Variants in SWT1 observed in about 807,000 individuals in gnomAD.
SWT1 encodes SWT1 RNA endoribonuclease homolog.
A neutral mutation model predicts 107.3 loss-of-function variants in SWT1; 33 were observed. The observed-to-expected ratio is 0.31, with a 90% CI of 0.23 to 0.41. The LOEUF is 0.41. Among genes scored for constraint, SWT1 ranks in the 10% least tolerant of loss-of-function variants. SWT1 has a pLI of 1.00. For synonymous variants in SWT1, 345 were observed against 348.3 expected (o/e 0.99, Z 0.11); for missense variants, 898 against 1,028.9 (o/e 0.87, Z 1.74).
At chr1:185,277,875 T>C (rs1339696032) in intron 18 of SWT1, among the ~76,000 whole-genome samples, 1 of 152,222 alleles carries the variant, frequency 6.6e-6, no homozygotes, top group Non-Finnish European at 1.5e-5. Flanking sequence ...TTTTGCTGAT[T>C]TTTGAACTTA....
intron 16 of SWT1, chr1:185,263,515 A>G (rs1318676843): frequency 6.8e-6 from 1 of 147,940 alleles, no homozygotes; most frequent in African/African-American, 2.5e-5. Flanking sequence ...GCTTGAAAAC[A>G]CCTTATCTAC....
At chr1:185,237,035 G>T (rs754119575) in intron 16 of SWT1, among the ~76,000 whole-genome samples, 1 of 152,128 alleles carries the variant, frequency 6.6e-6, no homozygotes, top group Non-Finnish European at 1.5e-5. Context: ...TTAGAATGGC[G>T]ATCATAAAAA....
intron 5 of SWT1, among the ~76,000 whole-genome samples, chr1:185,177,797 C>T (rs950134931): frequency 6.6e-6 from 1 of 152,110 alleles, no homozygotes; most frequent in African/African-American, 2.4e-5. Context: ...TTGCAAACCT[C>T]CCCCTCATTG....
chr1:185,187,679 T>C (rs1403790872), intron 9 of SWT1, among the ~76,000 whole-genome samples: 1 of 152,076 alleles, frequency 6.6e-6, no homozygotes, highest in African/African-American at 2.4e-5. Flanking sequence ...GCTGAATCTT[T>C]TTAAATTTTT....
chr1:185,167,858 T>A (rs1654715572), intron 3 of SWT1, among the ~76,000 whole-genome samples: 1 of 152,178 alleles, frequency 6.6e-6, no homozygotes, highest in South Asian at 2.1e-4. Flanking sequence ...CTTTTCCTCT[T>A]TAGGTGGTTG....
chr1:185,240,693 A>C (rs1212464239), intron 16 of SWT1, among the ~76,000 whole-genome samples: 1 of 152,058 alleles, frequency 6.6e-6, no homozygotes, highest in Non-Finnish European at 1.5e-5. Context: ...TGAGTTGTTT[A>C]ATCTTCTAAG....
chr1:185,210,781 GA>G (rs1571513293), intron 13 of SWT1, among the ~76,000 whole-genome samples: 1 of 152,160 alleles, frequency 6.6e-6, no homozygotes, highest in East Asian at 1.9e-4. Context: ...TGACGTGATC[GA>G]TATTTGGAAA....
At chr1:185,223,371 C>T (rs969801206) in intron 15 of SWT1, among the ~76,000 whole-genome samples, 2 of 152,036 alleles carry the variant, frequency 1.3e-5, no homozygotes, top group Non-Finnish European at 2.9e-5. Flanking sequence ...GAGATGATAT[C>T]TCACTATGTT....
chr1:185,203,029 GT>G (rs1397486751), intron 11 of SWT1, among the ~76,000 whole-genome samples: 5 of 152,178 alleles, frequency 3.3e-5, no homozygotes, highest in African/African-American at 1.2e-4. Flanking sequence ...TTAATTTGAT[GT>G]TTTTGTCTGC....
intron 16 of SWT1, among the ~76,000 whole-genome samples, chr1:185,259,590 G>A (rs1054129578): frequency 6.6e-6 from 1 of 151,930 alleles, no homozygotes; most frequent in Non-Finnish European, 1.5e-5. Context: ...TTTATAAATT[G>A]AGTGACTCCT....
rs547183216 is a variant in SWT1, at chr1:185,207,470, A to C, written c.1972+707A>C. On this transcript the variant is annotated intron_variant, in intron 13 of 18. Coordinates refer to ENST00000367500, the MANE Select transcript of SWT1 (RefSeq NM_017673.7). ...GGAGATTCTATATAGGACTTGGAAAAAAGTTTATCTGCTGTGAGGAAAAAA... is the reference window on the plus strand; with the variant it reads ...GGAGATTCTATATAGGACTTGGAAACAAGTTTATCTGCTGTGAGGAAAAAA... Among the ~76,000 whole-genome samples, 384 of 152,340 alleles carry C rather than the reference A, an allele frequency of 2.5e-3. 4 individuals carry two copies. The highest frequency in any genetic ancestry group is 8.8e-3 in the African/African-American group (367 of 41,568).
At chr1:185,173,499 C>T (rs1301618507) in intron 4 of SWT1, among the ~76,000 whole-genome samples, 1 of 145,346 alleles carries the variant, frequency 6.9e-6, no homozygotes, top group Non-Finnish European at 1.5e-5. Context: ...GTTCGACCAG[C>T]CTGGGCAACA....
intron 4 of SWT1, among the ~76,000 whole-genome samples, chr1:185,170,071 A>T (rs938280485): frequency 2.0e-5 from 3 of 152,202 alleles, no homozygotes; most frequent in African/African-American, 7.2e-5. Context: ...AGCATGTTCA[A>T]CTCAATCCAC....
At chr1:185,173,006 T>C (rs999292776) in intron 4 of SWT1, among the ~76,000 whole-genome samples, 5 of 135,112 alleles carry the variant, frequency 3.7e-5, no homozygotes, top group African/African-American at 1.4e-4. Context: ...ATTGCACCAC[T>C]GCAGTCCAGC....
Position 185,184,867 on chromosome 1 carries a change from C to T in SWT1, c.1365C>T (p.Asp455=), listed in dbSNP as rs1178377165. ...KAIPAVHFIN[D]SLKNQDRKLW... is the part of the protein sequence containing the mutation. ...TACCTGCAGTTCATTTCATCAACGA[C>T]AGTCTCAAAAATCAAGATAGAAAGC... Residue 455 remains aspartate, a synonymous_variant, in exon 9 of 19, where the codon GAC becomes GAT. Transcript: ENST00000367500. 1.3e-6 allele frequency: 2 copies of T among 1,545,014 alleles called. No homozygotes were observed.
At chr1:185,277,751 C>A (rs1664341664) in intron 18 of SWT1, among the ~76,000 whole-genome samples, 1 of 152,064 alleles carries the variant, frequency 6.6e-6, no homozygotes, top group Non-Finnish European at 1.5e-5. Context: ...TGAATTTTAC[C>A]CATTTCTAGC....
chr1:185,259,103 C>T (rs990960496), intron 16 of SWT1, among the ~76,000 whole-genome samples: 2 of 152,048 alleles, frequency 1.3e-5, no homozygotes, highest in Non-Finnish European at 2.9e-5. Flanking sequence ...GTACATAATA[C>T]CTTTATGTTA....
chr1:185,204,826 C>T lies in SWT1; in HGVS notation c.1796C>T (p.Thr599Ile). 1 of 1,583,108 alleles carries T rather than the reference C, an allele frequency of 6.3e-7. No homozygotes were observed. The highest frequency in any genetic ancestry group is 8.6e-7 in the Non-Finnish European group (1 of 1,167,600). ...ACAGGTTTATCTTCAATATTAGAAA[C>T]AGAAATGAAAATTGCTTTTGGAAAC... ...LGTGLSSILE[T>I]EMKIAFGNLW... is the part of the protein sequence containing the mutation. The change falls in exon 12 of 19, where the codon ACA (threonine) becomes ATA (isoleucine). Residue 599 changes from threonine to isoleucine, a missense_variant. Thr to Ile is a moderately conservative substitution (Grantham distance 89). Transcript: ENST00000367500.
intron 2 of SWT1, among the ~76,000 whole-genome samples, chr1:185,163,347 C>T (rs188864113): frequency 2.0e-4 from 30 of 151,766 alleles, no homozygotes; most frequent in African/African-American, 7.0e-4. Context: ...CTCAAGAAAC[C>T]AGTTTCATTG....
Sources: gnomAD v4.1 joint callset for allele counts (sites outside exome capture counted in the v4.1 genomes callset) on GRCh38, gnomAD v4.1.1 for gene constraint, MANE v1.5 for transcripts, NCBI Gene and HGNC (gene_info 2026-07-23, HGNC 2026-07-21) for gene names.